Variants in CEP131 observed in about 807,000 individuals in gnomAD.
The protein encoded by CEP131 is centrosomal protein of 131 kDa.
CEP131 carries 99 observed loss-of-function variants against 136.8 expected under a neutral mutation model. The observed-to-expected ratio is 0.72, with a 90% CI of 0.62 to 0.86. The LOEUF (loss-of-function observed/expected upper bound fraction) is 0.86, where lower values mean the gene tolerates loss of function less well. CEP131 is among the 40% of genes least tolerant of loss of function. The probability of loss-of-function intolerance (pLI) is 0.00; values close to 1 mark genes in which losing one functional copy is unlikely to be tolerated. For synonymous variants in CEP131, 646 were observed against 612.7 expected (o/e 1.05, Z -0.80); for missense variants, 1,459 against 1,463.0 (o/e 1.00, Z 0.04).
chr17:81,196,021 C>T, intron 15 of CEP131, 70 bp from the exon 16 acceptor site: 3 of 1,312,258 alleles, frequency 2.3e-6, no homozygotes, highest in African/African-American at 2.9e-5. Context: ...ATGGAGGAGA[C>T]CCTCCCAGCC....
intron 11 of CEP131, 66 bp downstream of exon 11, chr17:81,198,811 C>T (rs1164624527): frequency 1.4e-6 from 2 of 1,480,184 alleles, no homozygotes; most frequent in Non-Finnish European, 1.8e-6. Context: ...CTCAGGACAC[C>T]CCTGGCACAG....
rs756037307 is a variant in CEP131 at position 81,189,795 on chromosome 17, T to C, written c.3217A>G (p.Arg1073Gly). 42 of 1,609,912 alleles carry C rather than the reference T, an allele frequency of 2.6e-5. No homozygotes were observed. In the Admixed American group the frequency reaches 7.0e-4, roughly 27 times the overall value. The change falls in exon 26 of 26, where the codon AGG (arginine) becomes GGG (glycine). Residue 1073 changes from arginine to glycine, a missense_variant. Arg to Gly is a moderately radical substitution (Grantham distance 125). Transcript: ENST00000450824. ...CACTTGGTACTTGGCGTGGGCCTCC[T>C]GTGCTGCTCCAGCAGCTCCTCCAGG... Reference protein sequence around the residue: ...DHLEELLEQHRRPTPSTK With the variant: ...DHLEELLEQHGRPTPSTK
Position 81,198,252 on chromosome 17 carries a change from C to A in CEP131, c.1333G>T (p.Ala445Ser). 1 of 1,603,966 alleles carries A rather than the reference C, an allele frequency of 6.2e-7. No individual in the cohort carries two copies. The highest frequency in any genetic ancestry group is 2.3e-5 in the East Asian group (1 of 44,404). The change falls in exon 12 of 26, where the codon GCC (alanine) becomes TCC (serine). Residue 445 changes from alanine to serine, a missense_variant. Physicochemically the swap from Ala to Ser is moderately conservative, Grantham distance 99. This residue lies in a region of CEP131 where 1,026 missense variants were observed against 964.2 expected (regional missense o/e 1.06). Transcript: ENST00000450824. Reference protein sequence around the residue: ...DAAGDNLEMMAPSRGSAKSRG... With the variant: ...DAAGDNLEMMSPSRGSAKSRG... ...GACTTGGCGCTCCCCCTGCTCGGGG[C>A]CATCATCTCCAGGTTGTCCCCAGCT...
intron 11 of CEP131, 27 bp from the exon 12 acceptor site, chr17:81,198,324 A>G: frequency 1.3e-6 from 2 of 1,560,564 alleles, no homozygotes; most frequent in African/African-American, 2.7e-5. Context: ...AGACAGATGC[A>G]GCAAGGCTGC....
intron 13 of CEP131, chr17:81,197,385 G>T: frequency 2.5e-6 from 1 of 407,318 alleles, no homozygotes; most frequent in Non-Finnish European, 4.5e-6. Context: ...AACCAACCCA[G>T]AGGACAGCAG....
intron 2 of CEP131, among the ~76,000 whole-genome samples, chr17:81,212,036 C>T (rs180948292): frequency 1.4e-3 from 216 of 151,882 alleles, no homozygotes; most frequent in African/African-American, 4.9e-3. Context: ...AAGATGTGGC[C>T]GGGTGCGGTG....
chr17:81,191,338 G>A lies in CEP131; in HGVS notation c.2623-3C>T, dbSNP rs995457755. 3.7e-6 allele frequency: 6 copies of A among 1,612,256 alleles called. No individual in the cohort carries two copies. The highest frequency in any genetic ancestry group is 4.5e-5 in the East Asian group (2 of 44,880). Reference sequence around the variant, plus strand: ...TCCCGGTTCAGCAGCCACGCCTCCTGGGGGGACATGCGCTGCCTGGGGGTT... The same window carrying A: ...TCCCGGTTCAGCAGCCACGCCTCCTAGGGGGACATGCGCTGCCTGGGGGTT... On this transcript the variant is annotated splice_polypyrimidine_tract_variant and splice_region_variant and intron_variant, in intron 21 of 25. Transcript: ENST00000450824.
At chr17:81,213,358 G>A (rs1459919422) in intron 2 of CEP131, among the ~76,000 whole-genome samples, 5 of 152,104 alleles carry the variant, frequency 3.3e-5, no homozygotes, top group Middle Eastern at 3.2e-3. Flanking sequence ...TCAGGAGTTC[G>A]AGACCAGCCT....
intron 18 of CEP131, 111 bp from the exon 19 acceptor site, chr17:81,192,954 C>T: frequency 1.4e-6 from 2 of 1,457,312 alleles, no homozygotes; most frequent in Non-Finnish European, 1.8e-6. Context: ...GGAGAGCAGC[C>T]CTCCGGGGCC....
intron 7 of CEP131, among the ~76,000 whole-genome samples, chr17:81,201,585 C>T (rs1356281972): frequency 6.6e-6 from 1 of 152,222 alleles, no homozygotes; most frequent in African/African-American, 2.4e-5. Context: ...GTACAATTTC[C>T]ATACTATAAA....
At position 81,202,318 on chromosome 17, in the gene CEP131, G is replaced by C. The variant is rs2061910809; in HGVS notation, c.710C>G (p.Thr237Ser). The change falls in exon 7 of 26, where the codon ACC becomes AGC. Residue 237 changes from threonine to serine, a missense_variant. Thr to Ser is a moderately conservative substitution (Grantham distance 58, BLOSUM62 1). This residue lies in a region of CEP131 where 246 missense variants were observed against 318.9 expected (regional missense o/e 0.77). Coordinates refer to ENST00000450824, the MANE Select transcript of CEP131 (RefSeq NM_014984.4). The part of the protein sequence containing the change: ...GKLPKNVSSA[T>S]HSARNNTGGS... ...CCCAGTATTGTTCCGGGCTGAGTGG[G>C]TGGCACTGGAGACATTCTTCGGCAG... 1.2e-6 allele frequency: 2 copies of C among 1,613,736 alleles called. No homozygotes were observed. The highest frequency in any genetic ancestry group is 4.5e-5 in the East Asian group (2 of 44,848).
rs370696648 is a variant in CEP131, at chr17:81,200,317, G to A, written c.906+12C>T. ...CGGGGGAGCATGGAGTGACTGAGAC[G>A]CCCACACTGACCTCCCGCTTGGCCT... On this transcript the variant is annotated intron_variant, in intron 8 of 25. Coordinates refer to ENST00000450824, the MANE Select transcript of CEP131 (RefSeq NM_014984.4). The A allele has an allele frequency of 2.8e-5, 45 of 1,595,478 alleles. No homozygotes were observed. The highest frequency in any genetic ancestry group is 1.7e-4 in the Middle Eastern group (1 of 6,008).
chr17:81,217,970 A>G (rs1252343492), intron 2 of CEP131, among the ~76,000 whole-genome samples: 1 of 152,026 alleles, frequency 6.6e-6, no homozygotes, highest in African/African-American at 2.4e-5. Flanking sequence ...GTCTCCACAC[A>G]ACAAGAGAGC....
intron 7 of CEP131, among the ~76,000 whole-genome samples, chr17:81,200,916 G>A (rs534773860): frequency 2.0e-5 from 3 of 152,288 alleles, no homozygotes; most frequent in African/African-American, 4.8e-5. Context: ...GCATCTGGGC[G>A]GGGAAGGAGC....
At chr17:81,206,615 TTCACTCAC>T (rs529384602) in intron 5 of CEP131, 121 bp downstream of exon 5, 38 of 1,317,122 alleles carry the variant, frequency 2.9e-5, no homozygotes, top group East Asian at 1.7e-4. Flanking sequence ...AAGCCATTCT[TTCACTCAC>T]TCACTCATTC....
intron 16 of CEP131, 80 bp from the exon 17 acceptor site, chr17:81,195,052 C>T (rs1055580379): frequency 6.3e-6 from 7 of 1,106,542 alleles, no homozygotes; most frequent in South Asian, 1.3e-5. Context: ...CAGTCAGGGC[C>T]GGGCTTCCAG....
At position 81,190,651 on chromosome 17, in the gene CEP131, T is replaced by C; in HGVS notation, c.3095A>G (p.Glu1032Gly). ...LQARQQLELEEVHRRVKTALA... is the reference protein window; with the variant it reads ...LQARQQLELEGVHRRVKTALA... The stretch of plus-strand genomic sequence containing the variant: ...CCCCGCCGCCCACCTCCGGTGCACC[T>C]CCTCCAGCTCCAGCTGCTGGCGGGC... The change falls in exon 24 of 26, where the codon GAG becomes GGG. Residue 1032 changes from glutamate (E) to glycine (G), a missense_variant. Around this residue, in one of 3 missense-constraint regions of CEP131, gnomAD observed 1,026 missense variants for 964.2 expected, o/e 1.06. Transcript: ENST00000450824. The C allele has an allele frequency of 6.3e-7, 1 of 1,592,124 alleles. No homozygotes were observed. The highest frequency in any genetic ancestry group is 8.5e-7 in the Non-Finnish European group (1 of 1,173,174).
chr17:81,214,573 A>T (rs1484670468), intron 2 of CEP131, among the ~76,000 whole-genome samples: 1 of 152,152 alleles, frequency 6.6e-6, no homozygotes, highest in Non-Finnish European at 1.5e-5. Flanking sequence ...GAAAAAGAAA[A>T]AAATAAAATA....
At chr17:81,221,003 T>G (rs899501232) in intron 1 of CEP131, among the ~76,000 whole-genome samples, 2 of 150,814 alleles carry the variant, frequency 1.3e-5, no homozygotes, top group African/African-American at 4.9e-5. Flanking sequence ...CGAGCGCCTG[T>G]AATCCCAACT....
Sources: allele counts gnomAD v4.1 joint callset (sites outside exome capture counted in the v4.1 genomes callset), GRCh38; gene constraint gnomAD v4.1.1; regional missense constraint gnomAD v4.1.1; transcripts MANE v1.5; gene names NCBI Gene and HGNC (gene_info 2026-07-23, HGNC 2026-07-21).